The following CTNND2 variants were observed in gnomAD, a reference collection of about 807,000 sequenced individuals.
The protein encoded by CTNND2 is catenin delta-2.
In CTNND2, 22 loss-of-function variants were observed where a neutral mutation model predicts 144.4. That is an observed-to-expected ratio of 0.15 (90% CI 0.11 to 0.22). CTNND2 has a LOEUF of 0.22. CTNND2 is among the 10% of genes least tolerant of loss of function. The probability of loss-of-function intolerance (pLI) is 1.00; values close to 1 mark genes in which losing one functional copy is unlikely to be tolerated. For missense variants in CTNND2, 1,353 were observed against 1,618.8 expected (o/e 0.84, Z 2.82); for synonymous variants, 751 against 695.6 (o/e 1.08, Z -1.25).
intron 2 of CTNND2, among the ~76,000 whole-genome samples, chr5:11,664,350 T>TG (rs1365524912): frequency 6.6e-6 from 1 of 152,158 alleles, no homozygotes; most frequent in Non-Finnish European, 1.5e-5. Flanking sequence ...CCCAACACTT[T>TG]GGGAGGCCAA....
intron 2 of CTNND2, among the ~76,000 whole-genome samples, chr5:11,634,630 T>C (rs76284047): frequency 0.061 from 9,276 of 152,182 alleles, 891 homozygotes; most frequent in African/African-American, 0.2. Context: ...TTTTACTGTT[T>C]TGAGTAGGTG....
At chr5:11,060,719 C>T (rs1746867066) in intron 16 of CTNND2, among the ~76,000 whole-genome samples, 1 of 152,166 alleles carries the variant, frequency 6.6e-6, no homozygotes, top group Non-Finnish European at 1.5e-5. Flanking sequence ...TACAGTCAAC[C>T]TAAAATAATC....
intron 20 of CTNND2, among the ~76,000 whole-genome samples, chr5:10,984,303 A>G (rs953586192): frequency 6.6e-6 from 1 of 152,222 alleles, no homozygotes; most frequent in African/African-American, 2.4e-5. Flanking sequence ...CATTTGCTGA[A>G]TGAATAAATG....
chr5:11,753,217 T>C (rs1215335033), intron 1 of CTNND2, among the ~76,000 whole-genome samples: 1 of 151,852 alleles, frequency 6.6e-6, no homozygotes, highest in Non-Finnish European at 1.5e-5. Flanking sequence ...CTGTGTTGAA[T>C]GGAAGTGGTG....
intron 1 of CTNND2, among the ~76,000 whole-genome samples, chr5:11,777,567 C>G (rs978218852): frequency 6.6e-6 from 1 of 152,076 alleles, no homozygotes; most frequent in African/African-American, 2.4e-5. Context: ...AGAAAAGCAC[C>G]ACTCCTGAAT....
intron 9 of CTNND2, among the ~76,000 whole-genome samples, chr5:11,343,819 G>C (rs1489182098): frequency 1.3e-5 from 2 of 152,080 alleles, no homozygotes; most frequent in Non-Finnish European, 2.9e-5. Flanking sequence ...TGTTTATAAT[G>C]ATAAAGAGGC....
At chr5:11,648,060 T>C (rs563202125) in intron 2 of CTNND2, among the ~76,000 whole-genome samples, 9 of 152,340 alleles carry the variant, frequency 5.9e-5, no homozygotes, top group African/African-American at 2.2e-4. Flanking sequence ...TTCTATTCTA[T>C]TGCATCCTGA....
chr5:11,817,986 T>TTG (rs1793088426), intron 1 of CTNND2, among the ~76,000 whole-genome samples: 1 of 49,210 alleles, frequency 2.0e-5, no homozygotes, highest in South Asian at 1.3e-3. Flanking sequence ...GAGGTGTTTT[T>TTG]TTTTTTTTTT....
intron 1 of CTNND2, among the ~76,000 whole-genome samples, chr5:11,739,347 G>A (rs1787867817): frequency 6.6e-6 from 1 of 152,178 alleles, no homozygotes; most frequent in Non-Finnish European, 1.5e-5. Flanking sequence ...AGGAGACCAG[G>A]TGAGTCCAAG....
At chr5:11,009,860 CCTTTG>C (rs1740882270) in intron 18 of CTNND2, among the ~76,000 whole-genome samples, 2 of 128,086 alleles carry the variant, frequency 1.6e-5, no homozygotes, top group African/African-American at 6.2e-5. Context: ...CCCATTTGTG[CCTTTG>C]CTTTTGGACA....
intron 2 of CTNND2, among the ~76,000 whole-genome samples, chr5:11,643,589 T>G (rs538039149): frequency 6.6e-6 from 1 of 152,170 alleles, no homozygotes; most frequent in East Asian, 1.9e-4. Context: ...GGCTGCATAG[T>G]ATTCCATGGT....
At chr5:11,829,050 G>C (rs1318721169) in intron 1 of CTNND2, among the ~76,000 whole-genome samples, 1 of 152,088 alleles carries the variant, frequency 6.6e-6, no homozygotes, top group African/African-American at 2.4e-5. Flanking sequence ...GAGATTTGTG[G>C]AACTTCGAAC....
At chr5:11,829,801 G>C (rs1793798812) in intron 1 of CTNND2, among the ~76,000 whole-genome samples, 2 of 152,152 alleles carry the variant, frequency 1.3e-5, no homozygotes. Flanking sequence ...ACCCCAGAAT[G>C]GTAGATCCAC....
At chr5:11,176,889 A>G (rs905331244) in intron 11 of CTNND2, among the ~76,000 whole-genome samples, 1 of 152,188 alleles carries the variant, frequency 6.6e-6, no homozygotes, top group African/African-American at 2.4e-5. Context: ...GCCCTACTCA[A>G]CAACCATCTG....
intron 6 of CTNND2, among the ~76,000 whole-genome samples, chr5:11,394,340 A>T (rs1188859728): frequency 2.6e-5 from 4 of 152,206 alleles, no homozygotes; most frequent in Non-Finnish European, 5.9e-5. Flanking sequence ...GGCACATGAT[A>T]AACATCTTGA....
intron 9 of CTNND2, among the ~76,000 whole-genome samples, chr5:11,280,588 T>G (rs549858270): frequency 6.6e-6 from 1 of 152,214 alleles, no homozygotes; most frequent in Non-Finnish European, 1.5e-5. Flanking sequence ...CATTTAATCT[T>G]AATCGCCTCT....
At chr5:11,130,164 T>C (rs1355176729) in intron 12 of CTNND2, among the ~76,000 whole-genome samples, 1 of 152,124 alleles carries the variant, frequency 6.6e-6, no homozygotes, top group African/African-American at 2.4e-5. Context: ...AGAGACAGAA[T>C]GCTTCAGTGG....
At chr5:11,566,804 C>CA (rs1048117629) in intron 2 of CTNND2, among the ~76,000 whole-genome samples, 7 of 152,176 alleles carry the variant, frequency 4.6e-5, no homozygotes, top group African/African-American at 1.4e-4. Flanking sequence ...GTCAGTCTCA[C>CA]AGGAGGGGTG....
In CTNND2 at chr5:11,871,751, A is replaced by G. The variant is rs1473319200; in HGVS notation, c.37+32066T>C. On this transcript the variant is annotated intron_variant, in intron 1 of 21. Transcript: ENST00000304623. ...CAAATGAAACAACTCTTCACAACTT[A>G]TTGTGAGACTTGAGATTGGACAAGC... Among the ~76,000 whole-genome samples the G allele has an allele frequency of 2.0e-5, 3 of 152,172 alleles. No individual in the cohort carries two copies. The East Asian group carries it at 5.8e-4, about 29-fold the overall frequency.
Sources: gnomAD v4.1 joint callset for allele counts (sites outside exome capture counted in the v4.1 genomes callset) on GRCh38, gnomAD v4.1.1 for gene constraint, MANE v1.5 for transcripts, NCBI Gene and HGNC (gene_info 2026-07-23, HGNC 2026-07-21) for gene names.